Variants in NFX1 observed in about 807,000 individuals in gnomAD.
The protein encoded by NFX1 is transcriptional repressor NF-X1.
A neutral mutation model predicts 137.2 loss-of-function variants in NFX1; 69 were observed. That is an observed-to-expected ratio of 0.50 (90% CI 0.41 to 0.61). NFX1 has a LOEUF of 0.61. Ranked by LOEUF, NFX1 falls within the 20% of genes least tolerant of loss-of-function variation. The pLI is 0.00. For missense variants in NFX1, 1,167 were observed against 1,391.0 expected (o/e 0.84, Z 2.56); for synonymous variants, 495 against 474.1 (o/e 1.04, Z -0.57).
chr9:33,302,849 T>C (rs370210860), intron 3 of NFX1, among the ~76,000 whole-genome samples: 2 of 152,032 alleles, frequency 1.3e-5, no homozygotes, highest in South Asian at 2.1e-4. Flanking sequence ...TTTGCATTTT[T>C]AGTAGAGATG....
chr9:33,304,983 G>A (rs950413533), intron 4 of NFX1, among the ~76,000 whole-genome samples: 2 of 152,220 alleles, frequency 1.3e-5, no homozygotes, highest in Non-Finnish European at 2.9e-5. Context: ...AGGTCAAGAT[G>A]ATCTGAAAGT....
Position 33,311,118 on chromosome 9 carries a change from A to G in NFX1, c.1389A>G (p.Pro463=). ...CPHSCNLLCH[P]GPCPPCPAFM... ...CTTTCTCTTTCAGTCTCTGCCATCC[A>G]GGACCCTGCCCACCCTGCCCTGCCT... The change falls in exon 6 of 24, where the codon CCA becomes CCG. Residue 463 remains proline (P), a synonymous_variant. Coordinates refer to ENST00000379540, the MANE Select transcript of NFX1 (RefSeq NM_002504.6). 6.2e-7 allele frequency: 1 copy of G among 1,614,194 alleles called. No individual in the cohort carries two copies. The highest frequency in any genetic ancestry group is 8.5e-7 in the Non-Finnish European group (1 of 1,180,020).
chr9:33,308,995 G>A (rs1236411309), intron 5 of NFX1, among the ~76,000 whole-genome samples: 1 of 152,138 alleles, frequency 6.6e-6, no homozygotes, highest in Non-Finnish European at 1.5e-5. Context: ...TGCTCGCATA[G>A]GTCCTTCCTT....
chr9:33,321,615 C>T (rs1822387483), intron 9 of NFX1, among the ~76,000 whole-genome samples: 1 of 152,180 alleles, frequency 6.6e-6, no homozygotes, highest in African/African-American at 2.4e-5. Context: ...GTGGCTCATA[C>T]CTATAATCTC....
At chr9:33,325,782 GTAAGTAC>G (rs1217656832) in intron 9 of NFX1, among the ~76,000 whole-genome samples, 1 of 152,180 alleles carries the variant, frequency 6.6e-6, no homozygotes, top group African/African-American at 2.4e-5. Context: ...TTGCCTTACA[GTAAGTAC>G]TAAAAGAAAT....
At chr9:33,353,989 C>A in intron 17 of NFX1, 97 bp from the exon 18 acceptor site, 2 of 1,153,808 alleles carry the variant, frequency 1.7e-6, no homozygotes, top group African/African-American at 1.6e-5. Context: ...CACACCTGGC[C>A]TAGATTTGCT....
intron 4 of NFX1, among the ~76,000 whole-genome samples, chr9:33,306,883 G>A (rs1378430189): frequency 6.6e-6 from 1 of 152,016 alleles, no homozygotes; most frequent in Non-Finnish European, 1.5e-5. Flanking sequence ...AGTTATAGAC[G>A]ACTTGTCTTA....
intron 7 of NFX1, among the ~76,000 whole-genome samples, chr9:33,317,632 C>A (rs1478467772): frequency 6.6e-6 from 1 of 151,222 alleles, no homozygotes; most frequent in Non-Finnish European, 1.5e-5. Flanking sequence ...CCACTGTACT[C>A]CAGCTGGGCA....
intron 4 of NFX1, among the ~76,000 whole-genome samples, chr9:33,306,837 C>T (rs1821768365): frequency 6.6e-6 from 1 of 152,172 alleles, no homozygotes; most frequent in African/African-American, 2.4e-5. Flanking sequence ...CTCTCTGATC[C>T]TTCCAGCAGC....
chr9:33,295,512 C>T, intron 2 of NFX1, 85 bp downstream of exon 2: 1 of 1,382,662 alleles, frequency 7.2e-7, no homozygotes, highest in Non-Finnish European at 9.6e-7. Flanking sequence ...ATTTAGAAAG[C>T]AGAAAGTATG....
chr9:33,346,927 C>T, intron 14 of NFX1, 111 bp from the exon 15 acceptor site: 1 of 695,242 alleles, frequency 1.4e-6, no homozygotes, highest in Non-Finnish European at 2.3e-6. Flanking sequence ...CAAAAGTACT[C>T]CCAGTTTCTG....
chr9:33,297,755 A>G (rs902645426), intron 2 of NFX1, among the ~76,000 whole-genome samples: 5 of 152,182 alleles, frequency 3.3e-5, no homozygotes, highest in African/African-American at 9.7e-5. Flanking sequence ...TGTACACAAC[A>G]TGATAGTTTG....
chr9:33,321,428 CTT>C (rs1044603808), intron 9 of NFX1, among the ~76,000 whole-genome samples: 1 of 152,132 alleles, frequency 6.6e-6, no homozygotes, highest in Non-Finnish European at 1.5e-5. Context: ...TCGCTTAGGT[CTT>C]TTGTATCTCA....
At chr9:33,356,978 T>G (rs1587874930) in intron 19 of NFX1, among the ~76,000 whole-genome samples, 4 of 134,300 alleles carry the variant, frequency 3.0e-5, no homozygotes, top group African/African-American at 5.6e-5. Flanking sequence ...GGTGACAGAG[T>G]GAAATGCTGT....
At chr9:33,348,880 A>C (rs1430380338) in intron 15 of NFX1, among the ~76,000 whole-genome samples, 1 of 139,164 alleles carries the variant, frequency 7.2e-6, no homozygotes, top group Non-Finnish European at 1.5e-5. Flanking sequence ...GTCCTATACC[A>C]AAAAAAAAAA....
chr9:33,313,613 C>CTTTTA, intron 6 of NFX1, 41 bp from the exon 7 acceptor site: 2 of 1,605,642 alleles, frequency 1.2e-6, no homozygotes, highest in East Asian at 2.2e-5. Context: ...CCAACAGGAA[C>CTTTTA]TTTTACACTG....
intron 5 of NFX1, among the ~76,000 whole-genome samples, chr9:33,307,994 G>A (rs991888097): frequency 1.3e-5 from 2 of 151,678 alleles, no homozygotes; most frequent in Non-Finnish European, 2.9e-5. Context: ...TGGTAGAAAT[G>A]GGGTTTTGCC....
chr9:33,325,983 C>T (rs937679649), intron 9 of NFX1, among the ~76,000 whole-genome samples: 2 of 152,114 alleles, frequency 1.3e-5, no homozygotes, highest in Admixed American at 1.3e-4. Context: ...AGGCCTATAA[C>T]CTGTAGAAGT....
chr9:33,333,990 C>T (rs1469435904), intron 11 of NFX1, among the ~76,000 whole-genome samples: 1 of 151,994 alleles, frequency 6.6e-6, no homozygotes, highest in African/African-American at 2.4e-5. Context: ...ACTAAAAATA[C>T]AAAAATTAGC....
Sources: allele counts gnomAD v4.1 joint callset (sites outside exome capture counted in the v4.1 genomes callset), GRCh38; gene constraint gnomAD v4.1.1; transcripts MANE v1.5; gene names NCBI Gene and HGNC (gene_info 2026-07-23, HGNC 2026-07-21).